Variants in HERC4 observed in about 807,000 individuals in gnomAD.
HERC4 encodes the protein probable E3 ubiquitin-protein ligase HERC4.
HERC4 carries 28 observed loss-of-function variants against 124.3 expected under a neutral mutation model. The ratio of observed to expected loss-of-function variants is 0.23; its 90% CI spans 0.17 to 0.31. The LOEUF (loss-of-function observed/expected upper bound fraction) is 0.31, where lower values mean the gene tolerates loss of function less well. Ranked by LOEUF, HERC4 falls within the 10% of genes least tolerant of loss-of-function variation. The pLI, the probability that HERC4 is intolerant of heterozygous loss-of-function variation, is 1.00. For synonymous variants in HERC4, 407 were observed against 421.5 expected, an observed-to-expected ratio of 0.97 and a Z score of 0.42; for missense variants, 713 against 1,229.3, an observed-to-expected ratio of 0.58 and a Z score of 6.28.
At chr10:67,957,756 A>G (rs887612293) in intron 16 of HERC4, among the ~76,000 whole-genome samples, 1 of 152,124 alleles carries the variant, frequency 6.6e-6, no homozygotes, top group African/African-American at 2.4e-5. Context: ...GAATTAATAC[A>G]CCCTAAAACA....
rs200972691 is a variant in HERC4 at position 67,976,683 on chromosome 10, AC to A, written c.1807-9882del. On this transcript the variant is annotated intron_variant, in intron 15 of 24. Transcript: ENST00000373700. ...AAAAAAGTCTTGAATCACCAACATC[AC>A]CCCTCTCCCAGCCCCTGGCAGAGGC... Among the ~76,000 whole-genome samples the A allele has an allele frequency of 4.7e-3, 719 of 151,868 alleles. 6 individuals carry two copies. Among genetic ancestry groups the A allele is most frequent in the Middle Eastern group, 0.02 (6 of 294 alleles).
At position 68,010,245 on chromosome 10, in the gene HERC4, CA is replaced by C. The variant is rs1564542992; in HGVS notation, c.1069+3780del. On this transcript the variant is annotated intron_variant, in intron 9 of 24. Transcript: ENST00000373700. ...GGAGAGCCCAGAGTGGCGACAGAAA[CA>C]GGGGGAAAGGCACTAAGGAACACAG... 9.6e-6 allele frequency: 10 copies of C among 1,044,212 alleles called. No individual in the cohort carries two copies. In the East Asian group the frequency reaches 1.7e-4, roughly 18 times the overall value. The allele number at this position is 1,044,212 out of a possible 1,614,324, so 64.7% of individuals were successfully genotyped here. A position where few individuals can be genotyped will look rare whatever the true frequency, so the allele number is the denominator to read the frequency against.
intron 22 of HERC4, among the ~76,000 whole-genome samples, chr10:67,933,545 G>A (rs970969800): frequency 2.0e-5 from 3 of 152,014 alleles, no homozygotes; most frequent in African/African-American, 7.2e-5. Context: ...TTATATCTTT[G>A]TCTTCCAAGT....
intron 3 of HERC4, among the ~76,000 whole-genome samples, chr10:68,055,892 C>T (rs1040868316): frequency 6.6e-6 from 1 of 151,940 alleles, no homozygotes; most frequent in Admixed American, 6.6e-5. Flanking sequence ...GCTGGGATTA[C>T]AGGCACCGGC....
At chr10:68,060,382 T>G (rs962142121) in intron 3 of HERC4, among the ~76,000 whole-genome samples, 6 of 151,974 alleles carry the variant, frequency 3.9e-5, no homozygotes, top group Admixed American at 3.9e-4. Context: ...GGATTACAGA[T>G]GCACACCACC....
intron 3 of HERC4, among the ~76,000 whole-genome samples, chr10:68,066,510 G>A (rs1453844644): frequency 6.6e-6 from 1 of 152,220 alleles, no homozygotes; most frequent in Non-Finnish European, 1.5e-5. Flanking sequence ...TTGTTAGACT[G>A]CTCAGATTAG....
intron 3 of HERC4, among the ~76,000 whole-genome samples, chr10:68,071,638 A>T (rs1201947813): frequency 6.6e-6 from 1 of 152,182 alleles, no homozygotes; most frequent in Non-Finnish European, 1.5e-5. Flanking sequence ...ATTACCATTC[A>T]TTTCTACCAA....
At chr10:68,023,956 T>C (rs1164336669) in intron 8 of HERC4, among the ~76,000 whole-genome samples, 1 of 152,100 alleles carries the variant, frequency 6.6e-6, no homozygotes, top group Non-Finnish European at 1.5e-5. Context: ...AAAATATTAA[T>C]AAATTCATCT....
chr10:67,938,666 C>T (rs2032598321), intron 21 of HERC4, among the ~76,000 whole-genome samples: 1 of 152,104 alleles, frequency 6.6e-6, no homozygotes, highest in Admixed American at 6.6e-5. Flanking sequence ...TCCCTTTTGG[C>T]CAGGTGCAGT....
intron 22 of HERC4, 61 bp from the exon 23 acceptor site, chr10:67,932,841 G>A: frequency 1.4e-6 from 2 of 1,425,282 alleles, no homozygotes; most frequent in African/African-American, 1.5e-5. Flanking sequence ...AATCCATAAT[G>A]TAGTCATTAA....
At chr10:67,990,501 A>C (rs2036495241) in intron 13 of HERC4, 101 bp from the exon 14 acceptor site, 1 of 659,902 alleles carries the variant, frequency 1.5e-6, no homozygotes, top group African/African-American at 1.9e-5. Context: ...AGAAAAGGAA[A>C]ATTTTGCACT....
chr10:68,024,923 G>A (rs1211729514), intron 8 of HERC4, among the ~76,000 whole-genome samples: 1 of 152,120 alleles, frequency 6.6e-6, no homozygotes, highest in Non-Finnish European at 1.5e-5. Flanking sequence ...AGAATAAGGA[G>A]AATTAGGAGA....
At chr10:67,957,884 G>A (rs1200069194) in intron 16 of HERC4, among the ~76,000 whole-genome samples, 1 of 151,974 alleles carries the variant, frequency 6.6e-6, no homozygotes, top group Non-Finnish European at 1.5e-5. Context: ...CTAGGCTCAC[G>A]GCAACCTTCG....
chr10:67,942,670 C>A (rs2033012818), intron 19 of HERC4, among the ~76,000 whole-genome samples: 2 of 152,090 alleles, frequency 1.3e-5, no homozygotes, highest in African/African-American at 4.8e-5. Flanking sequence ...AGCCACCATG[C>A]CTGGCTAATT....
At chr10:68,041,584 A>T (rs1428854604) in intron 4 of HERC4, among the ~76,000 whole-genome samples, 1 of 152,198 alleles carries the variant, frequency 6.6e-6, no homozygotes, top group Admixed American at 6.5e-5. Flanking sequence ...ATAATCTTAT[A>T]CTATCTTGCC....
chr10:68,012,899 A>C (rs1035640809), intron 9 of HERC4, among the ~76,000 whole-genome samples: 1 of 152,232 alleles, frequency 6.6e-6, no homozygotes, highest in African/African-American at 2.4e-5. Flanking sequence ...TGGTGATCTC[A>C]TATCACTAAT....
chr10:68,063,407 A>G (rs894036008), intron 3 of HERC4, among the ~76,000 whole-genome samples: 2 of 152,022 alleles, frequency 1.3e-5, no homozygotes, highest in Admixed American at 6.6e-5. Context: ...ACGGGGTCTC[A>G]CTACACAGGC....
chr10:68,030,904 C>A (rs908780974), intron 7 of HERC4, among the ~76,000 whole-genome samples: 1 of 152,144 alleles, frequency 6.6e-6, no homozygotes, highest in Non-Finnish European at 1.5e-5. Flanking sequence ...GTTTTAAAAT[C>A]TTTCCTAATG....
chr10:68,067,776 T>C (rs1308359324), intron 3 of HERC4: 1 of 152,230 alleles, frequency 6.6e-6, no homozygotes, highest in African/African-American at 2.4e-5. Flanking sequence ...ATGCTCATCA[T>C]CTTTAAAAAG....
Sources: allele counts gnomAD v4.1 joint callset (sites outside exome capture counted in the v4.1 genomes callset), GRCh38; gene constraint gnomAD v4.1.1; transcripts MANE v1.5; gene names NCBI Gene and HGNC (gene_info 2026-07-23, HGNC 2026-07-21).